The following ASXL2 variants were observed in gnomAD, a reference collection of about 807,000 sequenced individuals.
ASXL2 encodes the protein ASXL transcriptional regulator 2.
In ASXL2, 23 loss-of-function variants were observed where a neutral mutation model predicts 122.0. That is an observed-to-expected ratio of 0.19 (90% CI 0.14 to 0.27). The LOEUF is 0.27. ASXL2 is among the 10% of genes least tolerant of loss of function. ASXL2 has a pLI of 1.00. For synonymous variants in ASXL2, 650 were observed against 637.0 expected (o/e 1.02, Z -0.31); for missense variants, 1,518 against 1,713.8 (o/e 0.89, Z 2.02).
At chr2:25,801,473 G>A (rs757308222) in intron 4 of ASXL2, among the ~76,000 whole-genome samples, 6 of 152,068 alleles carry the variant, frequency 3.9e-5, no homozygotes, top group African/African-American at 7.2e-5. Context: ...TCTCTGAGCC[G>A]TCTCTTATGT....
At chr2:25,799,360 T>G in intron 5 of ASXL2, 25 bp downstream of exon 5, 1 of 1,613,840 alleles carries the variant, frequency 6.2e-7, no homozygotes, top group Non-Finnish European at 8.5e-7. Context: ...ATTTAGTACT[T>G]TATTGAAGGA....
Position 25,735,039 on chromosome 2 carries a change from T to C in ASXL2, c.*6990A>G, listed in dbSNP as rs752078881. On this transcript the variant is annotated 3_prime_UTR_variant, in exon 13 of 13. Transcript: ENST00000435504. ...TTTAAAAATTCCCTTTAGGTTCTTT[T>C]GGGTTTGAAGAAGCACGAAAAGCAA... 1.3e-5 allele frequency: 2 copies of C among 152,214 alleles called. No individual in the cohort carries two copies. Among genetic ancestry groups the C allele is most frequent in the African/African-American group, 2.4e-5 (1 of 41,468 alleles). The allele number at this position is 152,214 out of a possible 1,614,324, so 9.4% of individuals were successfully genotyped here.
chr2:25,763,513 GATT>G (rs1313251789), intron 8 of ASXL2, among the ~76,000 whole-genome samples: 1 of 151,716 alleles, frequency 6.6e-6, no homozygotes, highest in Non-Finnish European at 1.5e-5. Context: ...GCTGATTTCA[GATT>G]AACAAGCTTG....
intron 1 of ASXL2, among the ~76,000 whole-genome samples, chr2:25,856,125 C>T (rs2089773919): frequency 6.6e-6 from 1 of 151,654 alleles, no homozygotes; most frequent in African/African-American, 2.4e-5. Flanking sequence ...AGTGCAATCT[C>T]GGGTCACTGC....
chr2:25,862,164 C>G (rs2089848050), intron 1 of ASXL2, among the ~76,000 whole-genome samples: 1 of 152,112 alleles, frequency 6.6e-6, no homozygotes, highest in South Asian at 2.1e-4. Flanking sequence ...AACTTAGAAC[C>G]AAGTTTCACA....
At chr2:25,814,628 G>C (rs141609439) in intron 3 of ASXL2, among the ~76,000 whole-genome samples, 14 of 152,346 alleles carry the variant, frequency 9.2e-5, no homozygotes, top group African/African-American at 3.4e-4. Context: ...TTTATGCGGT[G>C]AGCATGTAAG....
intron 1 of ASXL2, among the ~76,000 whole-genome samples, chr2:25,854,174 C>A (rs2089750895): frequency 6.6e-6 from 1 of 152,102 alleles, no homozygotes; most frequent in South Asian, 2.1e-4. Context: ...AGCTTGGATT[C>A]TTTTAATTAT....
At chr2:25,835,227 T>C (rs2089494875) in intron 3 of ASXL2, among the ~76,000 whole-genome samples, 1 of 152,228 alleles carries the variant, frequency 6.6e-6, no homozygotes, top group Admixed American at 6.5e-5. Flanking sequence ...TACTAAATAC[T>C]TTCATTATTA....
chr2:25,775,404 A>C (rs2088529674), intron 5 of ASXL2, among the ~76,000 whole-genome samples: 1 of 152,170 alleles, frequency 6.6e-6, no homozygotes, highest in Non-Finnish European at 1.5e-5. Context: ...CTGGGATTAC[A>C]GGCACGAGCC....
chr2:25,848,387 C>T (rs1186214786), intron 1 of ASXL2, among the ~76,000 whole-genome samples: 1 of 151,992 alleles, frequency 6.6e-6, no homozygotes, highest in Admixed American at 6.6e-5. Flanking sequence ...CTTTGGGAGG[C>T]CGAGATAGGT....
At chr2:25,845,796 C>G (rs1343752409) in intron 1 of ASXL2, among the ~76,000 whole-genome samples, 1 of 152,092 alleles carries the variant, frequency 6.6e-6, no homozygotes, top group Non-Finnish European at 1.5e-5. Context: ...GCAAAGCCTA[C>G]TAAATCATAG....
intron 2 of ASXL2, among the ~76,000 whole-genome samples, chr2:25,842,692 G>GTATATATA (rs769594746): frequency 1.5e-5 from 2 of 129,580 alleles, no homozygotes; most frequent in African/African-American, 5.2e-5. Flanking sequence ...TCAAGTGTGT[G>GTATATATA]TATATATATA....
In ASXL2 at chr2:25,809,379, T is replaced by C. The variant is rs143580900; in HGVS notation, c.144-3042A>G. 1.5e-3 allele frequency among the ~76,000 whole-genome samples: 222 copies of C among 152,288 alleles called. 1 individual carries two copies. The highest frequency in any genetic ancestry group is 4.7e-3 in the African/African-American group (196 of 41,560). ...GCACATTTTTGTTTTGTTTTTGTTG[T>C]TGTTTGGCTAACTCCTCCTGGAATC... On this transcript the variant is annotated intron_variant, in intron 3 of 12. Transcript: ENST00000435504.
At chr2:25,833,211 C>T (rs1361165575) in intron 3 of ASXL2, among the ~76,000 whole-genome samples, 1 of 152,186 alleles carries the variant, frequency 6.6e-6, no homozygotes, top group African/African-American at 2.4e-5. Flanking sequence ...ATATCAGAAA[C>T]AATATTCTCG....
intron 1 of ASXL2, among the ~76,000 whole-genome samples, chr2:25,846,764 C>T (rs1421299265): frequency 1.3e-5 from 2 of 152,078 alleles, no homozygotes; most frequent in South Asian, 2.1e-4. Flanking sequence ...TGCAGTAAGC[C>T]GAGATTGTGC....
chr2:25,809,913 G>C (rs1425135421), intron 3 of ASXL2: 2 of 514,846 alleles, frequency 3.9e-6, no homozygotes, highest in African/African-American at 1.9e-5. Context: ...AGCAGGGTGA[G>C]ACTGAGGTGC....
chr2:25,799,606 T>C, intron 4 of ASXL2, 71 bp from the exon 5 acceptor site: 4 of 1,502,658 alleles, frequency 2.7e-6, no homozygotes, highest in Non-Finnish European at 3.6e-6. Context: ...ACTTCTGATA[T>C]GCAATGTTGC....
At chr2:25,821,160 C>T (rs560871548) in intron 3 of ASXL2, among the ~76,000 whole-genome samples, 24 of 152,118 alleles carry the variant, frequency 1.6e-4, no homozygotes, top group African/African-American at 5.5e-4. Context: ...GTCTGGGCAA[C>T]AAGAGCAAGA....
At chr2:25,813,973 C>A (rs186415309) in intron 3 of ASXL2, among the ~76,000 whole-genome samples, 1 of 152,134 alleles carries the variant, frequency 6.6e-6, no homozygotes, top group African/African-American at 2.4e-5. Context: ...TGGCGTGAAC[C>A]CAGGAGGCGG....
Sources: gnomAD v4.1 joint callset for allele counts (sites outside exome capture counted in the v4.1 genomes callset) on GRCh38, gnomAD v4.1.1 for gene constraint, MANE v1.5 for transcripts, NCBI Gene and HGNC (gene_info 2026-07-23, HGNC 2026-07-21) for gene names.